The following MACROD2 variants were observed in gnomAD, a reference collection of about 807,000 sequenced individuals.
The protein encoded by MACROD2 is ADP-ribose glycohydrolase MACROD2.
Under a neutral mutation model 70.4 loss-of-function variants are expected in MACROD2, and 36 were observed. The ratio of observed to expected loss-of-function variants is 0.51; its 90% CI spans 0.39 to 0.68. The LOEUF (loss-of-function observed/expected upper bound fraction) is 0.68. Ranked by LOEUF, MACROD2 falls within the 30% of genes least tolerant of loss-of-function variation. MACROD2 has a pLI of 0.00. For synonymous variants in MACROD2, 172 were observed against 178.8 expected, an observed-to-expected ratio of 0.96 and a Z score of 0.30; for missense variants, 496 against 538.4, an observed-to-expected ratio of 0.92 and a Z score of 0.78.
chr20:14,058,394 C>A (rs1432234682), intron 2 of MACROD2, among the ~76,000 whole-genome samples: 1 of 151,646 alleles, frequency 6.6e-6, no homozygotes, highest in Admixed American at 6.6e-5. Context: ...ACATTCAGTC[C>A]TACCTCTTCT....
rs576256034 is a variant in MACROD2 at position 14,489,331 on chromosome 20, G to A, written c.272-4148G>A. On this transcript the variant is annotated intron_variant, in intron 3 of 17. Transcript: ENST00000684519. ...TGTCTGCGTAGATTGTATTTTCACA[G>A]CTGTCAGGTGAGATGGTTGCTTCCT... is the stretch of plus-strand genomic sequence containing the variant. Among the ~76,000 whole-genome samples the A allele has an allele frequency of 3.3e-5, 5 of 152,328 alleles. No individual in the cohort carries two copies. In the East Asian group the frequency reaches 9.6e-4, roughly 29 times the overall value.
intron 3 of MACROD2, among the ~76,000 whole-genome samples, chr20:14,477,667 A>G (rs759945130): frequency 6.6e-5 from 10 of 152,122 alleles, no homozygotes; most frequent in Non-Finnish European, 1.3e-4. Context: ...TTGCTCTAAC[A>G]ATGACTCCAT....
chr20:14,392,177 AT>A lies in MACROD2; in HGVS notation c.272-101300del, dbSNP rs554330086. Among the ~76,000 whole-genome samples the A allele has an allele frequency of 3.9e-5, 6 of 152,166 alleles. No homozygotes were observed. The South Asian group carries it at 1.0e-3, about 26-fold the overall frequency. ...AAACTGAGATATCTTCAACTAGATA[AT>A]TGAACTTGATATATTTCAAGAATTG... On this transcript the variant is annotated intron_variant, in intron 3 of 17. Transcript: ENST00000684519.
At chr20:15,914,956 G>T (rs1239129156) in intron 10 of MACROD2, among the ~76,000 whole-genome samples, 1 of 89,978 alleles carries the variant, frequency 1.1e-5, no homozygotes, top group Non-Finnish European at 2.7e-5. Flanking sequence ...ATGTTGGAAA[G>T]GTTGTAAATG....
At chr20:14,169,317 G>A (rs113087583) in intron 3 of MACROD2, among the ~76,000 whole-genome samples, 20 of 151,714 alleles carry the variant, frequency 1.3e-4, no homozygotes, top group African/African-American at 4.6e-4. Context: ...TTTGGGGGGG[G>A]GCGGTGGACA....
rs532435594 is a variant in MACROD2 at position 15,118,188 on chromosome 20, A to G, written c.419-111752A>G. On this transcript the variant is annotated intron_variant, in intron 5 of 17. Coordinates refer to ENST00000684519, the MANE Select transcript of MACROD2 (RefSeq NM_001351661.2). ...AGTGCATCTAAAGTGAGCTTTTTTT[A>G]ATTTTAAATTTTTTTTTTTTTTTGA... Among the ~76,000 whole-genome samples the G allele has an allele frequency of 4.3e-4, 41 of 95,900 alleles. 1 individual carries two copies. The South Asian group carries it at 0.016, about 38-fold the overall frequency. The allele number at this position is 95,900 out of a possible 152,430, so 62.9% of individuals were successfully genotyped here.
At chr20:14,990,238 G>A (rs1389896457) in intron 5 of MACROD2, among the ~76,000 whole-genome samples, 1 of 151,952 alleles carries the variant, frequency 6.6e-6, no homozygotes, top group Non-Finnish European at 1.5e-5. Flanking sequence ...ATTTAATATC[G>A]GGAGATACAC....
chr20:15,638,631 A>T (rs578051065), intron 8 of MACROD2, among the ~76,000 whole-genome samples: 2 of 152,272 alleles, frequency 1.3e-5, no homozygotes, highest in East Asian at 3.9e-4. Flanking sequence ...AAGTTCCTGG[A>T]TTCCTCTTTT....
chr20:15,041,464 G>A (rs952030857), intron 5 of MACROD2, among the ~76,000 whole-genome samples: 1 of 151,086 alleles, frequency 6.6e-6, no homozygotes, highest in Non-Finnish European at 1.5e-5. Context: ...TTACTTTTTT[G>A]AGACAGGGTC....
At chr20:14,368,868 G>A (rs1022137905) in intron 3 of MACROD2, among the ~76,000 whole-genome samples, 2 of 152,116 alleles carry the variant, frequency 1.3e-5, no homozygotes, top group Non-Finnish European at 2.9e-5. Flanking sequence ...CTCTCCTAAT[G>A]TTTACAGATT....
chr20:14,153,126 AT>A (rs1164700698), intron 3 of MACROD2, among the ~76,000 whole-genome samples: 1 of 152,230 alleles, frequency 6.6e-6, no homozygotes, highest in African/African-American at 2.4e-5. Context: ...AGGAAAGTAC[AT>A]TGGGGTTTTC....
intron 3 of MACROD2, among the ~76,000 whole-genome samples, chr20:14,127,079 C>G (rs1015570662): frequency 2.6e-5 from 4 of 152,136 alleles, no homozygotes; most frequent in African/African-American, 9.7e-5. Flanking sequence ...AGGCCTCTTG[C>G]TCCAGTTGGG....
At chr20:14,828,730 G>C (rs1195036074) in intron 5 of MACROD2, among the ~76,000 whole-genome samples, 1 of 152,044 alleles carries the variant, frequency 6.6e-6, no homozygotes, top group East Asian at 1.9e-4. Context: ...GAAAGGGGCA[G>C]GTGTAATGAG....
chr20:15,517,231 C>T (rs1198309356), intron 8 of MACROD2, among the ~76,000 whole-genome samples: 2 of 152,222 alleles, frequency 1.3e-5, no homozygotes, highest in East Asian at 3.9e-4. Flanking sequence ...CCACCCGTCA[C>T]CCTCATGCTC....
chr20:14,929,615 C>G (rs754477125), intron 5 of MACROD2: 3 of 151,998 alleles, frequency 2.0e-5, no homozygotes, highest in Admixed American at 6.6e-5. Context: ...ATCTCCAACC[C>G]CTCTCCCCAT....
intron 4 of MACROD2, among the ~76,000 whole-genome samples, chr20:14,678,368 G>T (rs2070888073): frequency 6.6e-6 from 1 of 152,106 alleles, no homozygotes; most frequent in Non-Finnish European, 1.5e-5. Flanking sequence ...AAAACCAAAT[G>T]GGCTTTGGTG....
intron 5 of MACROD2, among the ~76,000 whole-genome samples, chr20:14,742,955 A>G (rs2071752068): frequency 6.6e-6 from 1 of 151,462 alleles, no homozygotes; most frequent in Non-Finnish European, 1.5e-5. Context: ...TTTAGTAGAG[A>G]CGGGGTTTCA....
chr20:15,124,919 A>T (rs1199764305), intron 5 of MACROD2, among the ~76,000 whole-genome samples: 1 of 151,918 alleles, frequency 6.6e-6, no homozygotes, highest in South Asian at 2.1e-4. Flanking sequence ...AAAAAACACA[A>T]GTTCATTATA....
intron 2 of MACROD2, among the ~76,000 whole-genome samples, chr20:14,028,937 G>A (rs2053214913): frequency 1.3e-5 from 2 of 152,166 alleles, no homozygotes; most frequent in South Asian, 4.1e-4. Context: ...TTTCTGTGCA[G>A]TTAGGAAAGT....
Sources: allele counts gnomAD v4.1 joint callset (sites outside exome capture counted in the v4.1 genomes callset), GRCh38; gene constraint gnomAD v4.1.1; transcripts MANE v1.5; gene names NCBI Gene and HGNC (gene_info 2026-07-23, HGNC 2026-07-21).